SPPL3: variants seen among roughly 807,000 people sequenced by gnomAD.
The protein encoded by SPPL3 is signal peptide peptidase like 3.
In SPPL3, 5 loss-of-function variants were observed where a neutral mutation model predicts 42.4. That is an observed-to-expected ratio of 0.12 (90% CI 0.06 to 0.25). The LOEUF is 0.25. Ranked by LOEUF, SPPL3 falls within the 10% of genes least tolerant of loss-of-function variation. The pLI is 1.00. For synonymous variants in SPPL3, 195 were observed against 181.8 expected (o/e 1.07, Z -0.58); for missense variants, 235 against 489.0 (o/e 0.48, Z 4.90).
intron 1 of SPPL3, among the ~76,000 whole-genome samples, chr12:120,831,798 A>G (rs903286781): frequency 1.3e-5 from 2 of 152,136 alleles, no homozygotes; most frequent in Non-Finnish European, 2.9e-5. Context: ...AGTTGAGAGA[A>G]AGAATCTGAT....
chr12:120,801,265 G>T (rs7135426), intron 2 of SPPL3, among the ~76,000 whole-genome samples: 36,285 of 151,982 alleles, frequency 0.24, 5,509 homozygotes, highest in African/African-American at 0.42. Context: ...TCATCTACAT[G>T]ACAGGACCAC....
chr12:120,896,197 T>C (rs1566072749), intron 1 of SPPL3, among the ~76,000 whole-genome samples: 2 of 152,180 alleles, frequency 1.3e-5, no homozygotes, highest in Non-Finnish European at 2.9e-5. Context: ...CTTAGTCTAA[T>C]ACCTTAAAGA....
chr12:120,832,899 A>G, intron 1 of SPPL3, among the ~76,000 whole-genome samples: 1 of 152,192 alleles, frequency 6.6e-6, no homozygotes, highest in East Asian at 1.9e-4. Context: ...GCACTTCCAA[A>G]GCATAAGAGA....
intron 2 of SPPL3, among the ~76,000 whole-genome samples, chr12:120,793,670 G>C (rs533609379): frequency 2.6e-5 from 4 of 152,338 alleles, no homozygotes; most frequent in Admixed American, 1.3e-4. Context: ...TTGACACCCT[G>C]ACCTGAGAAT....
intron 1 of SPPL3, among the ~76,000 whole-genome samples, chr12:120,895,228 G>A (rs1050250928): frequency 1.5e-4 from 23 of 152,146 alleles, no homozygotes; most frequent in African/African-American, 4.8e-4. Context: ...AGGAGTTGGA[G>A]ATCAGCCTGG....
intron 2 of SPPL3, among the ~76,000 whole-genome samples, chr12:120,798,394 A>G (rs1566044847): frequency 6.6e-6 from 1 of 152,012 alleles, no homozygotes; most frequent in Non-Finnish European, 1.5e-5. Flanking sequence ...CTCCTGAAAA[A>G]CTTTTTCCTA....
chr12:120,783,882 T>A, intron 4 of SPPL3, 130 bp from the exon 5 acceptor site: 1 of 674,106 alleles, frequency 1.5e-6, no homozygotes, highest in Non-Finnish European at 2.4e-6. Flanking sequence ...AATGTCTTCC[T>A]TTAATACTGC....
chr12:120,772,020 C>A (rs920152017), intron 6 of SPPL3, among the ~76,000 whole-genome samples: 81 of 152,168 alleles, frequency 5.3e-4, no homozygotes, highest in African/African-American at 1.8e-3. Context: ...TCAGTTGCTG[C>A]TGCTCTTTTT....
chr12:120,826,158 T>C (rs1871224760), intron 1 of SPPL3, among the ~76,000 whole-genome samples: 2 of 151,966 alleles, frequency 1.3e-5, no homozygotes, highest in African/African-American at 2.4e-5. Context: ...CCGGGCATGG[T>C]GGCACATGTC....
chr12:120,802,417 A>G (rs1371907524), intron 2 of SPPL3, among the ~76,000 whole-genome samples: 16 of 122,018 alleles, frequency 1.3e-4, no homozygotes, highest in African/African-American at 2.1e-4. Flanking sequence ...GTGTGTGTGT[A>G]TATATATATA....
At chr12:120,816,736 T>C (rs1194731965) in intron 1 of SPPL3, among the ~76,000 whole-genome samples, 1 of 152,160 alleles carries the variant, frequency 6.6e-6, no homozygotes, top group African/African-American at 2.4e-5. Context: ...TGGAGAACTG[T>C]GAATCTCTGT....
chr12:120,889,003 G>A (rs1175098433), intron 1 of SPPL3, among the ~76,000 whole-genome samples: 1 of 151,954 alleles, frequency 6.6e-6, no homozygotes, highest in African/African-American at 2.4e-5. Flanking sequence ...TAGTAGAGAT[G>A]GGGTTTCGTC....
At chr12:120,863,490 C>T (rs565399778) in intron 1 of SPPL3, among the ~76,000 whole-genome samples, 2 of 152,248 alleles carry the variant, frequency 1.3e-5, no homozygotes, top group South Asian at 2.1e-4. Context: ...GTATCTGCTT[C>T]GGCATTTAAT....
intron 1 of SPPL3, among the ~76,000 whole-genome samples, chr12:120,875,197 T>C (rs928110181): frequency 1.3e-5 from 2 of 152,150 alleles, no homozygotes; most frequent in African/African-American, 4.8e-5. Flanking sequence ...AAATTGGCAA[T>C]AGTGTTGTTT....
chr12:120,813,722 T>C lies in SPPL3; in HGVS notation c.24-2836A>G, dbSNP rs144002300. Among the ~76,000 whole-genome samples the C allele has an allele frequency of 5.9e-3, 893 of 152,214 alleles. 11 individuals are homozygous for C. The highest frequency in any genetic ancestry group is 0.019 in the African/African-American group (807 of 41,520). ...TTAGGCTGAGATGGTTCCAGTGTCT[T>C]GGGTTCCTAAGGAAGCCAACTGAAA... On this transcript the variant is annotated intron_variant, in intron 1 of 10. Transcript: ENST00000353487.
intron 1 of SPPL3, among the ~76,000 whole-genome samples, chr12:120,894,700 C>A (rs1302862936): frequency 6.6e-6 from 1 of 152,122 alleles, no homozygotes; most frequent in African/African-American, 2.4e-5. Context: ...AATCCCAGCA[C>A]TTTGGGAGGC....
intron 1 of SPPL3, among the ~76,000 whole-genome samples, chr12:120,822,613 A>G (rs1233418453): frequency 6.6e-6 from 1 of 152,174 alleles, no homozygotes; most frequent in Non-Finnish European, 1.5e-5. Flanking sequence ...CCTTACTTCT[A>G]TCAGGACAAA....
At chr12:120,802,884 T>C (rs1870364190) in intron 2 of SPPL3, among the ~76,000 whole-genome samples, 1 of 152,232 alleles carries the variant, frequency 6.6e-6, no homozygotes, top group African/African-American at 2.4e-5. Flanking sequence ...TGTTGCCCAC[T>C]GTGCACCTTC....
At chr12:120,793,973 T>C (rs927003784) in intron 2 of SPPL3, among the ~76,000 whole-genome samples, 7 of 152,368 alleles carry the variant, frequency 4.6e-5, no homozygotes, top group Non-Finnish European at 1.0e-4. Context: ...TTCTGCCTAA[T>C]TATTCTATTA....
Sources: allele counts gnomAD v4.1 joint callset (sites outside exome capture counted in the v4.1 genomes callset), GRCh38; gene constraint gnomAD v4.1.1; transcripts MANE v1.5; gene names NCBI Gene and HGNC (gene_info 2026-07-23, HGNC 2026-07-21).